The following AGBL1 variants were observed in gnomAD, a reference collection of about 807,000 sequenced individuals.
The protein encoded by AGBL1 is cytosolic carboxypeptidase 4.
Under a neutral mutation model 118.9 loss-of-function variants are expected in AGBL1, and 130 were observed. That is an observed-to-expected ratio of 1.09 (90% CI 0.95 to 1.26). The LOEUF (loss-of-function observed/expected upper bound fraction) is 1.26, where lower values mean the gene tolerates loss of function less well. AGBL1 is among the 50% of genes most tolerant of loss of function. The pLI, the probability that AGBL1 is intolerant of heterozygous loss-of-function variation, is 0.00. For synonymous variants in AGBL1, 555 were observed against 478.9 expected (o/e 1.16, Z -2.08); for missense variants, 1,584 against 1,298.1 (o/e 1.22, Z -3.38).
chr15:86,400,332 C>T (rs1350196930), intron 18 of AGBL1, among the ~76,000 whole-genome samples: 1 of 152,080 alleles, frequency 6.6e-6, no homozygotes, highest in East Asian at 1.9e-4. Flanking sequence ...TCTCTCCAAC[C>T]TTGATGCAGT....
chr15:86,206,070 T>C lies in AGBL1; in HGVS notation c.489-18844T>C, dbSNP rs575311916. Among the ~76,000 whole-genome samples, 160 of 152,310 alleles carry C rather than the reference T, an allele frequency of 1.1e-3. 1 individual carries two copies. Among genetic ancestry groups the C allele is most frequent in the African/African-American group, 3.8e-3 (156 of 41,562 alleles). On this transcript the variant is annotated intron_variant, in intron 5 of 22. Transcript: ENST00000614907. ...CGATTCTGACATATGAGTGAGAACA[T>C]GCAGTGTTTGGGACAGTTTGCTCAG...
chr15:86,564,042 T>A (rs137966175), intron 21 of AGBL1, among the ~76,000 whole-genome samples: 38 of 152,308 alleles, frequency 2.5e-4, no homozygotes, highest in Non-Finnish European at 4.4e-4. Flanking sequence ...GTGAGATGGG[T>A]CTCCTGAATA....
chr15:86,652,564 T>C (rs1416186975), intron 21 of AGBL1, among the ~76,000 whole-genome samples: 3 of 152,168 alleles, frequency 2.0e-5, no homozygotes, highest in Non-Finnish European at 4.4e-5. Context: ...GGATTGTAGA[T>C]TTAAACATTT....
chr15:86,963,033 C>G (rs967306919), intron 23 of AGBL1, among the ~76,000 whole-genome samples: 1 of 151,996 alleles, frequency 6.6e-6, no homozygotes, highest in African/African-American at 2.4e-5. Flanking sequence ...TAACCAATTG[C>G]AAAGCATAAA....
intron 17 of AGBL1, among the ~76,000 whole-genome samples, chr15:86,301,092 G>A (rs751373394): frequency 6.0e-4 from 91 of 152,154 alleles, no homozygotes; most frequent in Non-Finnish European, 1.2e-3. Context: ...AGAGCTTTCC[G>A]TTGGGGAGAG....
intron 22 of AGBL1, among the ~76,000 whole-genome samples, chr15:86,895,069 C>CTCCT (rs758775124): frequency 9.5e-4 from 143 of 150,874 alleles, no homozygotes; most frequent in African/African-American, 3.1e-3. Context: ...TTTATCTTCC[C>CTCCT]TCCTTCCCTT....
intron 22 of AGBL1, among the ~76,000 whole-genome samples, chr15:86,821,530 A>T (rs1020097141): frequency 6.6e-6 from 1 of 152,156 alleles, no homozygotes; most frequent in African/African-American, 2.4e-5. Context: ...AATAGATAAA[A>T]AATATAATTG....
chr15:86,362,416 T>A (rs1457459587), intron 17 of AGBL1, among the ~76,000 whole-genome samples: 2 of 152,206 alleles, frequency 1.3e-5, no homozygotes, highest in East Asian at 3.9e-4. Context: ...TATATTTTCA[T>A]GTTACTAATT....
chr15:86,781,419 G>A (rs2078334628), intron 22 of AGBL1, among the ~76,000 whole-genome samples: 1 of 151,980 alleles, frequency 6.6e-6, no homozygotes, highest in Non-Finnish European at 1.5e-5. Context: ...TCCTTTGTGG[G>A]AGTTGATATA....
intron 22 of AGBL1, among the ~76,000 whole-genome samples, chr15:86,868,958 C>G (rs1191590246): frequency 6.6e-6 from 1 of 152,212 alleles, no homozygotes; most frequent in Non-Finnish European, 1.5e-5. Flanking sequence ...CCTTGGCTTA[C>G]AGCTAGGACA....
intron 21 of AGBL1, among the ~76,000 whole-genome samples, chr15:86,632,707 G>A (rs1216526237): frequency 6.6e-6 from 1 of 150,564 alleles, no homozygotes; most frequent in Non-Finnish European, 1.5e-5. Context: ...TTTAGGTGGT[G>A]TTGCCTATAA....
intron 18 of AGBL1, among the ~76,000 whole-genome samples, chr15:86,466,140 C>T (rs555842832): frequency 1.1e-4 from 17 of 152,304 alleles, no homozygotes; most frequent in African/African-American, 3.9e-4. Context: ...GCTGGTTCCC[C>T]CGATATTTGG....
At chr15:86,338,259 GT>G (rs1291430984) in intron 17 of AGBL1, among the ~76,000 whole-genome samples, 1 of 152,150 alleles carries the variant, frequency 6.6e-6, no homozygotes, top group Non-Finnish European at 1.5e-5. Context: ...AAAACAACAT[GT>G]TTTAAATCCC....
At chr15:86,269,166 G>A (rs1485142024) in intron 13 of AGBL1, among the ~76,000 whole-genome samples, 1 of 152,094 alleles carries the variant, frequency 6.6e-6, no homozygotes, top group African/African-American at 2.4e-5. Context: ...TCATGGAGCT[G>A]TATATTTAAG....
intron 18 of AGBL1, among the ~76,000 whole-genome samples, chr15:86,505,105 T>C (rs1226772786): frequency 6.6e-6 from 1 of 151,744 alleles, no homozygotes; most frequent in East Asian, 1.9e-4. Context: ...CTCCACAGTT[T>C]CTGAAAAAAA....
intron 22 of AGBL1, among the ~76,000 whole-genome samples, chr15:86,823,058 C>G (rs951249982): frequency 7.9e-5 from 12 of 152,078 alleles, no homozygotes; most frequent in Non-Finnish European, 1.8e-4. Flanking sequence ...ATGCTAGTAG[C>G]CTTGACAATA....
intron 22 of AGBL1, among the ~76,000 whole-genome samples, chr15:86,695,085 G>A (rs145702355): frequency 0.012 from 1,885 of 152,074 alleles, 38 homozygotes; most frequent in African/African-American, 0.044. Context: ...CCCGGTTTGG[G>A]CATTAGGGTG....
At chr15:87,011,364 G>T (rs74025771) in intron 24 of AGBL1, among the ~76,000 whole-genome samples, 2,361 of 152,212 alleles carry the variant, frequency 0.016, 67 homozygotes, top group African/African-American at 0.054. Flanking sequence ...TTGAGAACAT[G>T]AAATTGTAAT....
intron 22 of AGBL1, among the ~76,000 whole-genome samples, chr15:86,755,403 G>A (rs2077921332): frequency 1.3e-5 from 2 of 152,142 alleles, no homozygotes; most frequent in African/African-American, 2.4e-5. Flanking sequence ...CAAGCTTTCT[G>A]TGTTAGGTTT....
Sources: gnomAD v4.1 joint callset for allele counts (sites outside exome capture counted in the v4.1 genomes callset) on GRCh38, gnomAD v4.1.1 for gene constraint, MANE v1.5 for transcripts, NCBI Gene and HGNC (gene_info 2026-07-23, HGNC 2026-07-21) for gene names.